ASCC3: variants seen among roughly 807,000 people sequenced by gnomAD.
ASCC3 encodes the protein ASC-1 complex subunit P200.
ASCC3 carries 158 observed loss-of-function variants against 256.3 expected under a neutral mutation model. That is an observed-to-expected ratio of 0.62 (90% CI 0.54 to 0.70). The LOEUF (loss-of-function observed/expected upper bound fraction) is 0.70, where lower values mean the gene tolerates loss of function less well. Among genes scored for constraint, ASCC3 ranks in the 30% least tolerant of loss-of-function variants. The pLI is 0.00. For missense variants in ASCC3, 2,259 were observed against 2,626.0 expected (o/e 0.86, Z 3.05); for synonymous variants, 948 against 883.4 (o/e 1.07, Z -1.30).
Position 100,691,884 on chromosome 6 carries a change from C to A in ASCC3, c.2152-12132G>T, listed in dbSNP as rs191691651. Among the ~76,000 whole-genome samples the A allele has an allele frequency of 3.4e-3, 521 of 151,638 alleles. 7 individuals are homozygous for A. The highest frequency in any genetic ancestry group is 0.023 in the South Asian group (111 of 4,798). ...CATTTATATACTAGATAAACTTGGGCAAGTTCACCCGCACTTCAATTTTTA... is the reference window on the plus strand; with the variant it reads ...CATTTATATACTAGATAAACTTGGGAAAGTTCACCCGCACTTCAATTTTTA... On this transcript the variant is annotated intron_variant, in intron 13 of 41. Transcript: ENST00000369162.
chr6:100,595,106 G>C (rs938309518), intron 34 of ASCC3, among the ~76,000 whole-genome samples: 2 of 152,094 alleles, frequency 1.3e-5, no homozygotes, highest in African/African-American at 2.4e-5. Context: ...GTTTCGGTTA[G>C]ACAGAAGGAA....
chr6:100,715,953 A>C (rs1480189879), intron 12 of ASCC3, among the ~76,000 whole-genome samples: 1 of 151,838 alleles, frequency 6.6e-6, no homozygotes, highest in Non-Finnish European at 1.5e-5. Flanking sequence ...TGTTGCGAGA[A>C]CACTACGGAT....
At position 100,823,095 on chromosome 6, in the gene ASCC3, T is replaced by C. The variant is rs554763958; in HGVS notation, c.802-17215A>G. On this transcript the variant is annotated intron_variant, in intron 4 of 41. Coordinates refer to ENST00000369162, the MANE Select transcript of ASCC3 (RefSeq NM_006828.4). ...TGCTTTGCTCTTAATAGGATTTCCGTAACTCCAAGATGATCCCATCAGAAT... is the reference window on the plus strand; with the variant it reads ...TGCTTTGCTCTTAATAGGATTTCCGCAACTCCAAGATGATCCCATCAGAAT... 5.3e-5 allele frequency among the ~76,000 whole-genome samples: 8 copies of C among 152,344 alleles called. No individual in the cohort carries two copies. The South Asian group carries it at 1.2e-3, about 24-fold the overall frequency.
chr6:100,570,691 C>G (rs888411414), intron 36 of ASCC3, among the ~76,000 whole-genome samples: 8 of 152,098 alleles, frequency 5.3e-5, no homozygotes, highest in Admixed American at 3.3e-4. Flanking sequence ...GACTTTGAAA[C>G]TTGGAAAAGA....
At position 100,630,807 on chromosome 6, in the gene ASCC3, TAGAG is replaced by T. The variant is rs373017105; in HGVS notation, c.4208+317_4208+320del. Among the ~76,000 whole-genome samples, 73 of 152,076 alleles carry T rather than the reference TAGAG, an allele frequency of 4.8e-4. No homozygotes were observed. In the East Asian group the frequency reaches 0.012, roughly 25 times the overall value. On this transcript the variant is annotated intron_variant, in intron 26 of 41. Coordinates refer to ENST00000369162, the MANE Select transcript of ASCC3 (RefSeq NM_006828.4). ...GCTACTCTGCAAAATACGAAAAAAA[TAGAG>T]AGGCAGAACTTATTTTTGTTTTGTT...
At chr6:100,593,509 G>A (rs1772113748) in intron 34 of ASCC3, among the ~76,000 whole-genome samples, 1 of 152,076 alleles carries the variant, frequency 6.6e-6, no homozygotes, top group South Asian at 2.1e-4. Flanking sequence ...CACCAGTTGA[G>A]AATGAAAGAG....
chr6:100,791,672 G>A (rs556729383), intron 8 of ASCC3, among the ~76,000 whole-genome samples: 2 of 151,926 alleles, frequency 1.3e-5, no homozygotes, highest in South Asian at 4.1e-4. Flanking sequence ...CACAGACAGC[G>A]TTAGCTGTCC....
intron 3 of ASCC3, among the ~76,000 whole-genome samples, chr6:100,863,449 C>A (rs1773322366): frequency 6.6e-6 from 1 of 152,136 alleles, no homozygotes; most frequent in Non-Finnish European, 1.5e-5. Flanking sequence ...CTTAGAGCTA[C>A]ATTAAAATTT....
In ASCC3 at chr6:100,644,118, T is replaced by A; in HGVS notation, c.3645A>T (p.Thr1215=). 6.2e-7 allele frequency: 1 copy of A among 1,611,506 alleles called. No individual in the cohort carries two copies. The highest frequency in any genetic ancestry group is 1.3e-5 in the African/African-American group (1 of 74,992). ...CCCAAATCCACCAAGGTTCTCCTAC[T>A]GTCCCATGTACCTAGAAGAAAAATA... The part of the protein sequence containing the change: ...DFTWNDQVHG[T]VGEPWWIWVE... The change falls in exon 23 of 42, where the codon ACA becomes ACT. Residue 1215 remains threonine, a synonymous_variant. Transcript: ENST00000369162.
intron 14 of ASCC3, among the ~76,000 whole-genome samples, chr6:100,664,970 T>A (rs758801126): frequency 2.0e-5 from 3 of 152,244 alleles, no homozygotes; most frequent in Non-Finnish European, 4.4e-5. Flanking sequence ...TGAAATGTTC[T>A]GCTGTCCTTC....
chr6:100,863,609 C>T (rs888012818), intron 3 of ASCC3, among the ~76,000 whole-genome samples: 6 of 151,996 alleles, frequency 3.9e-5, no homozygotes, highest in South Asian at 2.1e-4. Context: ...CTGATAGATA[C>T]GGACTGTCTT....
intron 13 of ASCC3, among the ~76,000 whole-genome samples, chr6:100,702,449 A>G (rs1441608201): frequency 2.0e-5 from 3 of 152,154 alleles, no homozygotes; most frequent in African/African-American, 7.2e-5. Context: ...TGTATTTGAG[A>G]CACCCAAGAG....
intron 13 of ASCC3, among the ~76,000 whole-genome samples, chr6:100,688,003 A>G (rs985877900): frequency 2.5e-4 from 35 of 139,546 alleles, no homozygotes; most frequent in Non-Finnish European, 4.4e-4. Context: ...CAAGGCTCAG[A>G]AAAAAAAAAA....
At position 100,627,740 on chromosome 6, in the gene ASCC3, T is replaced by G. The variant is rs369890111; in HGVS notation, c.4522-30A>C. The stretch of plus-strand genomic sequence containing the variant: ...AGTAAATATGAGAGAGAAACCATTT[T>G]CAATTTTTATATTGAATTTTATAAG... On this transcript the variant is annotated intron_variant, in intron 28 of 41. Coordinates refer to ENST00000369162, the MANE Select transcript of ASCC3 (RefSeq NM_006828.4). 8.1e-6 allele frequency: 13 copies of G among 1,610,368 alleles called. No homozygotes were observed. The African/African-American group carries it at 1.7e-4, about 22-fold the overall frequency.
chr6:100,656,831 G>A (rs1376201342), intron 16 of ASCC3, among the ~76,000 whole-genome samples: 2 of 150,422 alleles, frequency 1.3e-5, no homozygotes, highest in Non-Finnish European at 3.0e-5. Context: ...AAACTTCATA[G>A]TTGTATTTTT....
intron 36 of ASCC3, among the ~76,000 whole-genome samples, chr6:100,579,653 C>A (rs1310044887): frequency 6.6e-6 from 1 of 151,894 alleles, no homozygotes; most frequent in Non-Finnish European, 1.5e-5. Context: ...TGTGTTGCTT[C>A]ACTTCTGGGC....
chr6:100,804,538 A>G (rs1252492499), intron 5 of ASCC3, among the ~76,000 whole-genome samples: 10 of 152,068 alleles, frequency 6.6e-5, no homozygotes, highest in Non-Finnish European at 4.4e-5. Flanking sequence ...CCTAATATCC[A>G]GAATCTATAA....
chr6:100,750,267 TA>T (rs981263533), intron 10 of ASCC3, among the ~76,000 whole-genome samples: 2 of 152,016 alleles, frequency 1.3e-5, no homozygotes, highest in East Asian at 1.9e-4. Flanking sequence ...AAAATAACCT[TA>T]AAAATTTCAA....
intron 36 of ASCC3, among the ~76,000 whole-genome samples, chr6:100,580,983 G>GGA (rs1212323440): frequency 1.3e-5 from 2 of 152,006 alleles, no homozygotes; most frequent in African/African-American, 4.8e-5. Context: ...GTCTATCATT[G>GGA]TTGGACATTT....
Sources: allele counts gnomAD v4.1 joint callset (sites outside exome capture counted in the v4.1 genomes callset), GRCh38; gene constraint gnomAD v4.1.1; transcripts MANE v1.5; gene names NCBI Gene and HGNC (gene_info 2026-07-23, HGNC 2026-07-21).